The following PLA2G6 variants were observed in gnomAD, a reference collection of about 807,000 sequenced individuals.
PLA2G6 encodes the protein phospholipase A2 group VI, also known as 85/88 kDa calcium-independent phospholipase A2.
Under a neutral mutation model 83.8 loss-of-function variants are expected in PLA2G6, and 62 were observed. The ratio of observed to expected loss-of-function variants is 0.74; its 90% CI spans 0.60 to 0.91. The LOEUF (loss-of-function observed/expected upper bound fraction) is 0.91, where lower values mean the gene tolerates loss of function less well. Ranked by LOEUF, PLA2G6 falls within the 40% of genes least tolerant of loss-of-function variation. PLA2G6 has a pLI of 0.00. For missense variants in PLA2G6, 944 were observed against 1,102.0 expected, an observed-to-expected ratio of 0.86 and a Z score of 2.03; for synonymous variants, 417 against 449.8, an observed-to-expected ratio of 0.93 and a Z score of 0.92.
intron 14 of PLA2G6, among the ~76,000 whole-genome samples, chr22:38,114,052 G>A (rs538038241): frequency 3.3e-5 from 5 of 152,332 alleles, no homozygotes; most frequent in Admixed American, 3.3e-4. Context: ...CAGCCAGTCT[G>A]TGGAGAGGGC....
At chr22:38,174,261 G>A (rs1569304840) in intron 1 of PLA2G6, among the ~76,000 whole-genome samples, 1 of 152,070 alleles carries the variant, frequency 6.6e-6, no homozygotes, top group African/African-American at 2.4e-5. Flanking sequence ...AGCTGGGCGT[G>A]GTGGCGGGTG....
intron 1 of PLA2G6, among the ~76,000 whole-genome samples, chr22:38,178,566 G>A (rs2040628495): frequency 1.3e-5 from 2 of 152,060 alleles, no homozygotes; most frequent in South Asian, 4.1e-4. Flanking sequence ...GTGAGACCCT[G>A]TCTTAAAACA....
At chr22:38,135,409 T>A (rs2145781860) in intron 5 of PLA2G6, 1 of 367,222 alleles carries the variant, frequency 2.7e-6, no homozygotes, top group African/African-American at 2.1e-5. Context: ...ATGGAGAGAG[T>A]GCTGAGAGGA....
intron 2 of PLA2G6, chr22:38,148,864 T>A: frequency 9.6e-6 from 1 of 103,664 alleles, no homozygotes; most frequent in Non-Finnish European, 1.9e-5. Flanking sequence ...TATTTCTTTT[T>A]TTTTTTTTTT....
intron 2 of PLA2G6, among the ~76,000 whole-genome samples, chr22:38,159,725 AAAGGAAGGAAGGAAGG>A (rs56181861): frequency 5.6e-5 from 8 of 143,102 alleles, no homozygotes; most frequent in Non-Finnish European, 1.0e-4. Flanking sequence ...GAGATAGATG[AAAGGAAGGAAGGAAGG>A]AAGGAAGGAA....
At chr22:38,113,874 A>G in intron 14 of PLA2G6, 1 of 669,028 alleles carries the variant, frequency 1.5e-6, no homozygotes, top group Middle Eastern at 2.4e-4. Flanking sequence ...TGCTCAGGAC[A>G]GCATCTGTGT....
intron 10 of PLA2G6, among the ~76,000 whole-genome samples, chr22:38,125,935 A>G (rs895004914): frequency 1.4e-4 from 21 of 152,178 alleles, no homozygotes; most frequent in African/African-American, 5.1e-4. Context: ...CGCCTCTTAC[A>G]ATGGGACTAG....
At chr22:38,177,247 CACAGGGG>C (rs1602299077) in intron 1 of PLA2G6, among the ~76,000 whole-genome samples, 1 of 152,056 alleles carries the variant, frequency 6.6e-6, no homozygotes, top group East Asian at 1.9e-4. Flanking sequence ...ACTGAATGAA[CACAGGGG>C]TCATCTGAGC....
At chr22:38,165,628 C>T (rs1461552062) in intron 2 of PLA2G6, among the ~76,000 whole-genome samples, 1 of 152,132 alleles carries the variant, frequency 6.6e-6, no homozygotes, top group South Asian at 2.1e-4. Flanking sequence ...AATCCCAGCA[C>T]TTTGGGAGGC....
intron 3 of PLA2G6, chr22:38,144,893 T>C: frequency 4.0e-6 from 1 of 251,084 alleles, no homozygotes; most frequent in South Asian, 4.2e-5. Flanking sequence ...AAAATGACGA[T>C]ACCTTGTGGG....
intron 15 of PLA2G6, among the ~76,000 whole-genome samples, chr22:38,113,192 G>A (rs887119921): frequency 5.9e-5 from 9 of 152,070 alleles, no homozygotes; most frequent in Non-Finnish European, 8.8e-5. Context: ...CAGGGTGAGC[G>A]CCCAGCCCGC....
chr22:38,149,430 A>G (rs1017343519), intron 2 of PLA2G6: 1 of 152,260 alleles, frequency 6.6e-6, no homozygotes, highest in Non-Finnish European at 1.5e-5. Flanking sequence ...AATGGAAATT[A>G]CAAAATTAAA....
In PLA2G6 at chr22:38,115,512, G is replaced by A. The variant is rs2087133975; in HGVS notation, c.2034+15C>T. ...GGGAGCAGTGGGTCCAGGCCCTCTG[G>A]CCTACGGCACTCACCTTGCGGATCA... On this transcript the variant is annotated intron_variant, in intron 14 of 16. Transcript: ENST00000332509. The A allele has an allele frequency of 1.2e-6, 2 of 1,610,720 alleles. No homozygotes were observed. The highest frequency in any genetic ancestry group is 1.3e-5 in the African/African-American group (1 of 74,894).
intron 2 of PLA2G6, among the ~76,000 whole-genome samples, chr22:38,164,333 G>C (rs528776007): frequency 1.3e-5 from 2 of 152,310 alleles, no homozygotes; most frequent in African/African-American, 4.8e-5. Context: ...CAGGTGACAG[G>C]GTCTGAATAA....
rs548461294 is a variant in PLA2G6, at chr22:38,174,058, CAA to C, written c.-45-4589_-45-4588del. On this transcript the variant is annotated intron_variant, in intron 1 of 16. Coordinates refer to ENST00000332509, the MANE Select transcript of PLA2G6 (RefSeq NM_003560.4). The stretch of plus-strand genomic sequence containing the variant: ...ACAGAGCAAGACCCTGCCTCAAAAA[CAA>C]AACAAAACAAAGGGCAAATTAAAGT... Among the ~76,000 whole-genome samples, 541 of 150,714 alleles carry C rather than the reference CAA, an allele frequency of 3.6e-3. 5 individuals are homozygous for C. Among genetic ancestry groups the C allele is most frequent in the African/African-American group, 0.013 (521 of 40,990 alleles).
chr22:38,130,066 T>C, intron 7 of PLA2G6: 1 of 252,724 alleles, frequency 4.0e-6, no homozygotes, highest in South Asian at 5.1e-5. Context: ...ACGTCACACA[T>C]TTCCACACCT....
At chr22:38,163,860 A>G (rs1213858730) in intron 2 of PLA2G6, among the ~76,000 whole-genome samples, 1 of 152,108 alleles carries the variant, frequency 6.6e-6, no homozygotes, top group Non-Finnish European at 1.5e-5. Flanking sequence ...AGCTGGCCCC[A>G]GAGTACGTGG....
At chr22:38,172,516 TTTTG>T (rs2090473378) in intron 1 of PLA2G6, among the ~76,000 whole-genome samples, 1 of 152,234 alleles carries the variant, frequency 6.6e-6, no homozygotes, top group Non-Finnish European at 1.5e-5. Context: ...GTTTATGGGC[TTTTG>T]TTTTTTCCTT....
At chr22:38,173,708 A>T (rs2145949703) in intron 1 of PLA2G6, among the ~76,000 whole-genome samples, 1 of 152,248 alleles carries the variant, frequency 6.6e-6, no homozygotes, top group East Asian at 1.9e-4. Flanking sequence ...CCCATCTCAG[A>T]GATCAAGAAA....
Sources: gnomAD v4.1 joint callset for allele counts (sites outside exome capture counted in the v4.1 genomes callset) on GRCh38, gnomAD v4.1.1 for gene constraint, MANE v1.5 for transcripts, NCBI Gene and HGNC (gene_info 2026-07-23, HGNC 2026-07-21) for gene names.